Variants in SNX13 observed in about 807,000 individuals in gnomAD.
SNX13 encodes the protein sorting nexin 13, also known as sorting nexin-13.
In SNX13, 45 loss-of-function variants were observed where a neutral mutation model predicts 133.6. The ratio of observed to expected loss-of-function variants is 0.34; its 90% CI spans 0.27 to 0.43. The LOEUF is 0.43. Among genes scored for constraint, SNX13 ranks in the 20% least tolerant of loss-of-function variants. The pLI, the probability that SNX13 is intolerant of heterozygous loss-of-function variation, is 1.00. For synonymous variants in SNX13, 414 were observed against 373.9 expected (o/e 1.11, Z -1.24); for missense variants, 1,032 against 1,145.1 (o/e 0.90, Z 1.43).
In SNX13 at chr7:17,850,386, CT is replaced by C; in HGVS notation, c.1025del (p.Lys342ArgfsTer16). The C allele has an allele frequency of 6.3e-7, 1 of 1,595,414 alleles. No homozygotes were observed. The highest frequency in any genetic ancestry group is 1.1e-5 in the South Asian group (1 of 87,044). ...ATCGCTGTATTCTTGAGTCACATAC[CT>C]TCTTTACGAATAGTAAGCTATTTAT... ...NQINSLLFVKKVCDSRIQRLQ... is the reference protein window; with the variant it reads ...NQINSLLFVKXVCDSRIQRLQ... On this transcript the variant is annotated frameshift_variant, in exon 11 of 26. Coordinates refer to ENST00000428135, the MANE Select transcript of SNX13 (RefSeq NM_015132.5). LOFTEE classifies it high-confidence loss of function.
intron 20 of SNX13, among the ~76,000 whole-genome samples, chr7:17,813,194 G>A (rs991655975): frequency 2.6e-5 from 4 of 152,026 alleles, no homozygotes; most frequent in African/African-American, 7.2e-5. Context: ...AAAAAAAAGT[G>A]TACTTTAATA....
At chr7:17,838,620 C>T (rs905223893) in intron 13 of SNX13, among the ~76,000 whole-genome samples, 8 of 151,872 alleles carry the variant, frequency 5.3e-5, no homozygotes, top group Non-Finnish European at 1.0e-4. Context: ...CTTCTAAGCA[C>T]TAAGTAGCTG....
At chr7:17,888,827 T>G in intron 5 of SNX13, 7 of 431,984 alleles carry the variant, frequency 1.6e-5, no homozygotes, top group South Asian at 1.2e-4. Context: ...TTATTACACT[T>G]ATTTTACATA....
intron 8 of SNX13, 98 bp downstream of exon 8, chr7:17,873,430 T>A (rs111596741): frequency 1.1e-3 from 567 of 523,310 alleles, no homozygotes; most frequent in Non-Finnish European, 1.5e-3. Flanking sequence ...GAGTCTTCAA[T>A]AATTTTTAAG....
At chr7:17,831,959 T>C (rs1309793593) in intron 15 of SNX13, 5 of 983,776 alleles carry the variant, frequency 5.1e-6, no homozygotes, top group African/African-American at 1.8e-5. Flanking sequence ...CATCACTCCA[T>C]ATACTTTTTT....
intron 1 of SNX13, chr7:17,897,992 CAATTAT>C (rs1797393487): frequency 6.6e-6 from 1 of 151,486 alleles, no homozygotes; most frequent in African/African-American, 2.4e-5. Context: ...GAAACTCATA[CAATTAT>C]AATTACAAAA....
intron 1 of SNX13, among the ~76,000 whole-genome samples, chr7:17,903,266 T>C (rs1399627835): frequency 2.6e-5 from 4 of 152,216 alleles, no homozygotes; most frequent in African/African-American, 7.2e-5. Flanking sequence ...ATAGGGCCTA[T>C]AGTTCTCTCA....
chr7:17,921,740 T>C (rs970571232), intron 1 of SNX13, among the ~76,000 whole-genome samples: 2 of 152,236 alleles, frequency 1.3e-5, no homozygotes, highest in African/African-American at 4.8e-5. Flanking sequence ...ATGTGAGCCA[T>C]GCATCAGAAT....
At position 17,891,966 on chromosome 7, in the gene SNX13, G is replaced by A. The variant is rs557316737; in HGVS notation, c.229-331C>T. On this transcript the variant is annotated intron_variant, in intron 3 of 25. Coordinates refer to ENST00000428135, the MANE Select transcript of SNX13 (RefSeq NM_015132.5). Reference sequence around the variant, plus strand: ...TCATGTGAGTCAAACTGTCTTTACTGGACACTCTCCCTCTTGCCCCTCCCC... The same window carrying A: ...TCATGTGAGTCAAACTGTCTTTACTAGACACTCTCCCTCTTGCCCCTCCCC... Among the ~76,000 whole-genome samples, 233 of 152,042 alleles carry A rather than the reference G, an allele frequency of 1.5e-3. 1 individual carries two copies. Among genetic ancestry groups the A allele is most frequent in the African/African-American group, 5.2e-3 (217 of 41,500 alleles).
chr7:17,792,090 C>G lies in SNX13; in HGVS notation c.*1955G>C, dbSNP rs781274515. The G allele has an allele frequency of 6.6e-6, 1 of 151,956 alleles. No homozygotes were observed. Among genetic ancestry groups the G allele is most frequent in the Admixed American group, 6.6e-5 (1 of 15,248 alleles). 9.4% of individuals were successfully genotyped at this position (151,956 alleles called of 1,614,324 possible). A position where few individuals can be genotyped will look rare whatever the true frequency, so the allele number is the denominator to read the frequency against. On this transcript the variant is annotated 3_prime_UTR_variant, in exon 26 of 26. Coordinates refer to ENST00000428135, the MANE Select transcript of SNX13 (RefSeq NM_015132.5). ...ATAGAAATGCTTTTTCACATGTACA[C>G]GTTAGGGTCTTACATGAATTATTCT...
At chr7:17,798,540 T>C in intron 24 of SNX13, 150 bp downstream of exon 24, 1 of 575,108 alleles carries the variant, frequency 1.7e-6, no homozygotes, top group Non-Finnish European at 3.0e-6. Flanking sequence ...GACAAATGTT[T>C]AGTATAATTC....
rs752067896 is a variant in SNX13, at chr7:17,801,638, T to C, written c.2248A>G (p.Thr750Ala). 3 of 1,608,594 alleles carry C rather than the reference T, an allele frequency of 1.9e-6. No homozygotes were observed. In the South Asian group the frequency reaches 3.3e-5, roughly 18 times the overall value. ...FFKVPPLIPK[T>A]DSDPEHRRVS... Reference sequence around the variant, plus strand: ...CGGCGATGTTCAGGGTCTGAATCAGTCTTAGGAATTAAAGGAGGCACCTAA... The same window carrying C: ...CGGCGATGTTCAGGGTCTGAATCAGCCTTAGGAATTAAAGGAGGCACCTAA... Residue 750 changes from threonine (T) to alanine (A), a missense_variant, in exon 22 of 26, where the codon ACT becomes GCT. Transcript: ENST00000428135.
chr7:17,886,495 G>C (rs1281085334), intron 5 of SNX13, among the ~76,000 whole-genome samples: 1 of 151,930 alleles, frequency 6.6e-6, no homozygotes, highest in South Asian at 2.1e-4. Flanking sequence ...TTGAACCTGG[G>C]ATGCAGAGGT....
intron 5 of SNX13, among the ~76,000 whole-genome samples, chr7:17,885,008 G>A (rs1055842325): frequency 2.0e-5 from 3 of 152,116 alleles, no homozygotes; most frequent in African/African-American, 4.8e-5. Flanking sequence ...ATATATCCAA[G>A]AGAAATGGAA....
intron 12 of SNX13, among the ~76,000 whole-genome samples, chr7:17,845,000 C>T (rs947098912): frequency 6.6e-6 from 1 of 151,942 alleles, no homozygotes; most frequent in Non-Finnish European, 1.5e-5. Context: ...AGATTAAGAT[C>T]AGGAACAAAA....
intron 18 of SNX13, among the ~76,000 whole-genome samples, chr7:17,819,679 C>T (rs537215080): frequency 6.6e-6 from 1 of 152,118 alleles, no homozygotes; most frequent in Admixed American, 6.5e-5. Flanking sequence ...CATTTTTCTT[C>T]CATTATTTTA....
chr7:17,890,705 A>G (rs1796530947), intron 4 of SNX13, among the ~76,000 whole-genome samples: 1 of 151,758 alleles, frequency 6.6e-6, no homozygotes, highest in South Asian at 2.1e-4. Flanking sequence ...TACTGCCTAG[A>G]TTTAAAAAAA....
intron 9 of SNX13, 82 bp from the exon 10 acceptor site, chr7:17,851,046 G>C (rs542082322): frequency 5.7e-6 from 8 of 1,405,542 alleles, no homozygotes; most frequent in Non-Finnish European, 7.7e-6. Flanking sequence ...CCTACTATGT[G>C]CTAGGACAAT....
At chr7:17,807,659 C>A (rs113964363) in intron 20 of SNX13, among the ~76,000 whole-genome samples, 5 of 152,186 alleles carry the variant, frequency 3.3e-5, no homozygotes, top group African/African-American at 1.2e-4. Flanking sequence ...GAGCCCCATG[C>A]CTCCTGACTG....
Sources: gnomAD v4.1 joint callset for allele counts (sites outside exome capture counted in the v4.1 genomes callset) on GRCh38, gnomAD v4.1.1 for gene constraint, MANE v1.5 for transcripts, NCBI Gene and HGNC (gene_info 2026-07-23, HGNC 2026-07-21) for gene names.